TCF4: variants seen among roughly 807,000 people sequenced by gnomAD.
TCF4 encodes the protein SL3-3 enhancer factor 2.
A neutral mutation model predicts 82.1 loss-of-function variants in TCF4; 3 were observed. That is an observed-to-expected ratio of 0.04 (90% CI 0.02 to 0.09). The LOEUF is 0.09. TCF4 is among the 10% of genes least tolerant of loss of function. The probability of loss-of-function intolerance (pLI) is 1.00; values close to 1 mark genes in which losing one functional copy is unlikely to be tolerated. For synonymous variants in TCF4, 276 were observed against 309.6 expected (o/e 0.89, Z 1.14); for missense variants, 518 against 852.7 (o/e 0.61, Z 4.89).
rs991179989 is a variant in TCF4, at chr18:55,223,748, T to C, written c.*4287A>G. On this transcript the variant is annotated 3_prime_UTR_variant, in exon 20 of 20. Transcript: ENST00000354452. ...AACAATTTTTTTAAGTTTTTAATGC[T>C]GCAGCTATGTGTACAGTCGCAAAAA... 2.6e-5 allele frequency: 4 copies of C among 151,264 alleles called. No homozygotes were observed. The highest frequency in any genetic ancestry group is 9.7e-5 in the African/African-American group (4 of 41,090). 9.4% of individuals were successfully genotyped at this position (151,264 alleles called of 1,614,324 possible).
chr18:55,530,153 C>T (rs902983221), intron 3 of TCF4, among the ~76,000 whole-genome samples: 8 of 152,082 alleles, frequency 5.3e-5, no homozygotes, highest in Non-Finnish European at 1.2e-4. Flanking sequence ...CACTTTCATA[C>T]AAAAATTGAA....
At chr18:55,470,894 C>G (rs1391175286) in intron 3 of TCF4, among the ~76,000 whole-genome samples, 1 of 152,150 alleles carries the variant, frequency 6.6e-6, no homozygotes, top group Non-Finnish European at 1.5e-5. Context: ...ACAATGAAGT[C>G]TACACTGCCT....
chr18:55,471,498 A>C (rs1372382245), intron 3 of TCF4, among the ~76,000 whole-genome samples: 1 of 152,194 alleles, frequency 6.6e-6, no homozygotes, highest in Non-Finnish European at 1.5e-5. Flanking sequence ...GATTACTCAA[A>C]GCTCTACTTT....
At chr18:55,529,772 A>G (rs190808004) in intron 3 of TCF4, among the ~76,000 whole-genome samples, 1 of 152,148 alleles carries the variant, frequency 6.6e-6, no homozygotes, top group Non-Finnish European at 1.5e-5. Context: ...ACTCTTGACC[A>G]GGGAGAAAGG....
intron 8 of TCF4, among the ~76,000 whole-genome samples, chr18:55,335,789 A>G (rs1446104132): frequency 6.6e-6 from 1 of 152,162 alleles, no homozygotes; most frequent in Non-Finnish European, 1.5e-5. Flanking sequence ...GTATACTTAA[A>G]CTAAAAAGAT....
chr18:55,292,414 G>A (rs1175801057), intron 8 of TCF4, among the ~76,000 whole-genome samples: 1 of 152,128 alleles, frequency 6.6e-6, no homozygotes, highest in Non-Finnish European at 1.5e-5. Flanking sequence ...AAAATTCTCA[G>A]TGTTGATGAA....
chr18:55,232,197 A>T (rs1167756696), intron 17 of TCF4: 1 of 304,080 alleles, frequency 3.3e-6, no homozygotes, highest in Non-Finnish European at 6.2e-6. Flanking sequence ...TATTATAGAC[A>T]CAACATTTCT....
chr18:55,275,552 G>A, intron 10 of TCF4, 67 bp downstream of exon 10: 1 of 1,608,368 alleles, frequency 6.2e-7, no homozygotes. Context: ...TATATGCATG[G>A]AAAGACAGAG....
intron 8 of TCF4, among the ~76,000 whole-genome samples, chr18:55,286,052 G>A (rs1299496891): frequency 6.6e-6 from 1 of 152,138 alleles, no homozygotes; most frequent in South Asian, 2.1e-4. Flanking sequence ...ATGACCCCAG[G>A]TTTCTGGATA....
chr18:55,528,366 A>G (rs941169455), intron 3 of TCF4, among the ~76,000 whole-genome samples: 1 of 152,204 alleles, frequency 6.6e-6, no homozygotes, highest in Non-Finnish European at 1.5e-5. Flanking sequence ...AAACATCACC[A>G]TAATCCAAAC....
chr18:55,631,052 T>C (rs2097731018), intron 2 of TCF4, among the ~76,000 whole-genome samples: 1 of 32,150 alleles, frequency 3.1e-5, no homozygotes, highest in African/African-American at 3.2e-4. Flanking sequence ...GAGCAATGGG[T>C]TTTTTTTTTT....
rs192124965 is a variant in TCF4 at position 55,246,794 on chromosome 18, G to A, written c.1350+7703C>T. Among the ~76,000 whole-genome samples the A allele has an allele frequency of 7.9e-3, 1,193 of 151,856 alleles. 57 individuals carry two copies. The highest frequency in any genetic ancestry group is 0.07 in the Admixed American group (1,075 of 15,258). ...GGTTGAGGTTGCTAATCTGCTCTCCGAAATACTTGATAGTTGTGGAGATTA... is the reference window on the plus strand; with the variant it reads ...GGTTGAGGTTGCTAATCTGCTCTCCAAAATACTTGATAGTTGTGGAGATTA... On this transcript the variant is annotated intron_variant, in intron 15 of 19. Transcript: ENST00000354452.
intron 8 of TCF4, among the ~76,000 whole-genome samples, chr18:55,318,551 G>A (rs1602458992): frequency 6.6e-6 from 1 of 152,082 alleles, no homozygotes; most frequent in East Asian, 1.9e-4. Context: ...ACTCTCACCT[G>A]AGGAGAAACT....
intron 8 of TCF4, among the ~76,000 whole-genome samples, chr18:55,335,996 G>GA (rs968747537): frequency 2.9e-3 from 410 of 143,352 alleles, no homozygotes; most frequent in African/African-American, 9.6e-3. Flanking sequence ...TAGTAAAAAG[G>GA]AAAAAAAAAA....
chr18:55,446,800 C>G (rs1228433288), intron 5 of TCF4, among the ~76,000 whole-genome samples: 1 of 151,796 alleles, frequency 6.6e-6, no homozygotes, highest in Non-Finnish European at 1.5e-5. Context: ...CTGGCTAACA[C>G]GGTGAAACCC....
At chr18:55,597,138 A>G (rs2147937607) in intron 2 of TCF4, among the ~76,000 whole-genome samples, 1 of 152,234 alleles carries the variant, frequency 6.6e-6, no homozygotes, top group African/African-American at 2.4e-5. Context: ...CTCCCCAGCC[A>G]TGCATCCTGT....
At chr18:55,297,292 C>CAGTT (rs149454001) in intron 8 of TCF4, among the ~76,000 whole-genome samples, 65,505 of 150,282 alleles carry the variant, frequency 0.44, 15,397 homozygotes, top group African/African-American at 0.64. Context: ...TTTTGTTTAA[C>CAGTT]AGAGCGCATA....
chr18:55,257,782 A>G (rs898538914), intron 13 of TCF4, among the ~76,000 whole-genome samples: 1 of 152,194 alleles, frequency 6.6e-6, no homozygotes, highest in African/African-American at 2.4e-5. Flanking sequence ...TTCTCGCACC[A>G]GTGGAAAACA....
chr18:55,411,484 G>T (rs2094342218), intron 5 of TCF4, among the ~76,000 whole-genome samples: 1 of 152,106 alleles, frequency 6.6e-6, no homozygotes, highest in African/African-American at 2.4e-5. Flanking sequence ...ATGAAAAAAA[G>T]CTCATCTTGC....
Sources: gnomAD v4.1 joint callset for allele counts (sites outside exome capture counted in the v4.1 genomes callset) on GRCh38, gnomAD v4.1.1 for gene constraint, MANE v1.5 for transcripts, NCBI Gene and HGNC (gene_info 2026-07-23, HGNC 2026-07-21) for gene names.